CACNA1E: variants seen among roughly 807,000 people sequenced by gnomAD.
CACNA1E encodes the protein voltage-dependent R-type calcium channel subunit alpha-1E.
A neutral mutation model predicts 259.2 loss-of-function variants in CACNA1E; 40 were observed. The observed-to-expected ratio is 0.15, with a 90% confidence interval of 0.12 to 0.20. The LOEUF is 0.20. CACNA1E is among the 10% of genes least tolerant of loss of function. The pLI is 1.00. For synonymous variants in CACNA1E, 1,104 were observed against 1,138.5 expected, an observed-to-expected ratio of 0.97 and a Z score of 0.61; for missense variants, 1,874 against 3,040.1, an observed-to-expected ratio of 0.62 and a Z score of 9.02.
chr1:181,325,721 T>C (rs1005220210), intron 1 of CACNA1E, among the ~76,000 whole-genome samples: 1 of 152,114 alleles, frequency 6.6e-6, no homozygotes, highest in Admixed American at 6.6e-5. Flanking sequence ...GCCAAGGAAA[T>C]AGGAGATCGT....
At position 181,798,893 on chromosome 1, in the gene CACNA1E, T is replaced by G; in HGVS notation, c.*59T>G. The G allele has an allele frequency of 1.4e-6, 2 of 1,426,198 alleles. No individual in the cohort carries two copies. The highest frequency in any genetic ancestry group is 1.8e-4 in the Middle Eastern group (1 of 5,418). The allele number at this position is 1,426,198 out of a possible 1,614,324, so 88.3% of individuals were successfully genotyped here. ...TCACATGGAGAAAACCAAGACAGAA[T>G]TGGGAAGCCAGTGCGGCCCGGGGGG... On this transcript the variant is annotated 3_prime_UTR_variant, in exon 48 of 48. Coordinates refer to ENST00000367573, the MANE Select transcript of CACNA1E (RefSeq NM_001205293.3). This position sits in a 1 kb window ranked among gnomAD's most constrained non-coding sequence, Gnocchi z 4.2.
chr1:181,583,569 A>C (rs979467785), intron 6 of CACNA1E, among the ~76,000 whole-genome samples: 1 of 152,208 alleles, frequency 6.6e-6, no homozygotes, highest in Non-Finnish European at 1.5e-5. Context: ...TATGCAATGT[A>C]AATGCTTCCC....
intron 7 of CACNA1E, among the ~76,000 whole-genome samples, chr1:181,687,963 A>G (rs1650753256): frequency 6.6e-6 from 1 of 152,164 alleles, no homozygotes; most frequent in Non-Finnish European, 1.5e-5. Context: ...ATAACCATGA[A>G]GCATTGTGTT....
intron 3 of CACNA1E, among the ~76,000 whole-genome samples, chr1:181,569,875 G>A (rs758244658): frequency 1.3e-5 from 2 of 152,136 alleles, no homozygotes; most frequent in Non-Finnish European, 2.9e-5. Context: ...TGAGTTACGA[G>A]GATCTAACTC....
chr1:181,358,187 C>T (rs1653601374), intron 1 of CACNA1E, among the ~76,000 whole-genome samples: 1 of 152,326 alleles, frequency 6.6e-6, no homozygotes, highest in South Asian at 2.1e-4. Context: ...GTCTTCCTCA[C>T]TACAATGGCC....
intron 6 of CACNA1E, among the ~76,000 whole-genome samples, chr1:181,638,730 C>T (rs1452204220): frequency 6.6e-6 from 1 of 152,174 alleles, no homozygotes; most frequent in African/African-American, 2.4e-5. Context: ...GGGCAGTTTC[C>T]CCCATGCTGT....
chr1:181,350,175 C>G (rs1652918456), intron 1 of CACNA1E, among the ~76,000 whole-genome samples: 1 of 152,216 alleles, frequency 6.6e-6, no homozygotes, highest in Admixed American at 6.5e-5. Flanking sequence ...TGCAGGCAGC[C>G]TTCCCTAAGG....
At chr1:181,405,551 G>A (rs1657405013) in intron 1 of CACNA1E, among the ~76,000 whole-genome samples, 1 of 152,212 alleles carries the variant, frequency 6.6e-6, no homozygotes, top group Admixed American at 6.5e-5. Context: ...CCAAGGAGTA[G>A]TTTTCTGTCC....
At chr1:181,715,709 C>T (rs904436360) in intron 9 of CACNA1E, among the ~76,000 whole-genome samples, 8 of 152,132 alleles carry the variant, frequency 5.3e-5, no homozygotes, top group Non-Finnish European at 1.2e-4. Context: ...TGGGGATCAC[C>T]TTGAGACCAC....
chr1:181,331,399 G>A (rs542770014), intron 1 of CACNA1E, among the ~76,000 whole-genome samples: 3 of 152,166 alleles, frequency 2.0e-5, no homozygotes, highest in South Asian at 2.1e-4. Flanking sequence ...CTGGAAGGAC[G>A]GTGGCTGGTA....
intron 1 of CACNA1E, among the ~76,000 whole-genome samples, chr1:181,366,666 G>GA (rs146206100): frequency 0.02 from 3,046 of 152,238 alleles, 77 homozygotes; most frequent in African/African-American, 0.056. Context: ...TTAGCAGTGT[G>GA]AGCCCTGATC....
chr1:181,684,393 A>G (rs974333871), intron 7 of CACNA1E, among the ~76,000 whole-genome samples: 11 of 152,154 alleles, frequency 7.2e-5, no homozygotes, highest in African/African-American at 2.7e-4. Flanking sequence ...TGTTGGATAC[A>G]TAGATTGCAA....
chr1:181,331,992 A>G (rs548200607), intron 1 of CACNA1E, among the ~76,000 whole-genome samples: 1 of 152,346 alleles, frequency 6.6e-6, no homozygotes, highest in East Asian at 1.9e-4. Context: ...AGACTAGATA[A>G]AGAAAATGTG....
At chr1:181,780,529 C>A (rs1157464760) in intron 38 of CACNA1E, among the ~76,000 whole-genome samples, 2 of 152,196 alleles carry the variant, frequency 1.3e-5, no homozygotes, top group Non-Finnish European at 2.9e-5. Flanking sequence ...GGATGCCAGC[C>A]TGGACAATGG....
intron 1 of CACNA1E, among the ~76,000 whole-genome samples, chr1:181,351,447 A>T (rs1477940375): frequency 6.6e-6 from 1 of 152,164 alleles, no homozygotes; most frequent in Non-Finnish European, 1.5e-5. Context: ...CGGTATGGAG[A>T]TAAAGTGATT....
intron 19 of CACNA1E, among the ~76,000 whole-genome samples, chr1:181,731,458 C>A (rs1454153982): frequency 6.6e-6 from 1 of 152,170 alleles, no homozygotes; most frequent in African/African-American, 2.4e-5. Context: ...GTTTTTCGCT[C>A]TTCAGTCTGG....
rs560116244 is a variant in CACNA1E at position 181,771,283 on chromosome 1, TCTC to T, written c.4882-6_4882-4del. The T allele has an allele frequency of 2.0e-3, 2,907 of 1,473,736 alleles. 18 individuals carry two copies. The highest frequency in any genetic ancestry group is 5.4e-3 in the Admixed American group (286 of 52,954). The allele number at this position is 1,473,736 out of a possible 1,614,324, so 91.3% of individuals were successfully genotyped here. ...AATGCTCACTGTTTTCTGTTGTTTC[TCTC>T]CTCAAGGTATTTGGAAACATAAAAT... On this transcript the variant is annotated splice_region_variant and splice_polypyrimidine_tract_variant and intron_variant, in intron 35 of 47. Transcript: ENST00000367573.
chr1:181,453,351 A>G (rs1446700950), intron 2 of CACNA1E, among the ~76,000 whole-genome samples: 2 of 152,234 alleles, frequency 1.3e-5, no homozygotes, highest in African/African-American at 4.8e-5. Flanking sequence ...CAAATTGTGA[A>G]ACCTAGGCCT....
chr1:181,379,584 C>G (rs1333670937), intron 1 of CACNA1E, among the ~76,000 whole-genome samples: 2 of 152,126 alleles, frequency 1.3e-5, no homozygotes, highest in Non-Finnish European at 2.9e-5. Flanking sequence ...CTGGTGAGGT[C>G]TCACTTTCTG....
Sources: allele counts gnomAD v4.1 joint callset (sites outside exome capture counted in the v4.1 genomes callset), GRCh38; gene constraint gnomAD v4.1.1; non-coding constraint Gnocchi (gnomAD v3.1); transcripts MANE v1.5; gene names NCBI Gene and HGNC (gene_info 2026-07-23, HGNC 2026-07-21).